Variants in DAB1 observed in about 807,000 individuals in gnomAD.
DAB1 encodes the protein DAB adaptor protein 1.
In DAB1, 15 loss-of-function variants were observed where a neutral mutation model predicts 64.6. The observed-to-expected ratio is 0.23, with a 90% CI of 0.16 to 0.36. The LOEUF (loss-of-function observed/expected upper bound fraction) is 0.36, where lower values mean the gene tolerates loss of function less well. Ranked by LOEUF, DAB1 falls within the 10% of genes least tolerant of loss-of-function variation. The probability of loss-of-function intolerance (pLI) is 1.00; values close to 1 mark genes in which losing one functional copy is unlikely to be tolerated. For synonymous variants in DAB1, 235 were observed against 251.9 expected, an observed-to-expected ratio of 0.93 and a Z score of 0.64; for missense variants, 596 against 706.7, an observed-to-expected ratio of 0.84 and a Z score of 1.78.
intron 5 of DAB1, among the ~76,000 whole-genome samples, chr1:58,132,183 G>A (rs897197806): frequency 1.3e-5 from 2 of 152,196 alleles, no homozygotes; most frequent in African/African-American, 2.4e-5. Flanking sequence ...TAAGCCCGTC[G>A]GAAAAGCGCA....
At chr1:57,479,719 T>G (rs1643986902) in intron 7 of DAB1, among the ~76,000 whole-genome samples, 1 of 152,100 alleles carries the variant, frequency 6.6e-6, no homozygotes, top group South Asian at 2.1e-4. Context: ...AGCTGGGGGC[T>G]GGCACAATGG....
At chr1:58,368,681 G>T (rs956077612) in intron 3 of DAB1, among the ~76,000 whole-genome samples, 3 of 152,144 alleles carry the variant, frequency 2.0e-5, no homozygotes, top group African/African-American at 7.2e-5. Flanking sequence ...TGTAGCATAC[G>T]GTGTCAGCAT....
intron 5 of DAB1, among the ~76,000 whole-genome samples, chr1:57,906,970 A>AGATG (rs1451204363): frequency 4.3e-4 from 65 of 152,162 alleles, no homozygotes; most frequent in African/African-American, 1.5e-3. Context: ...ATAGATAGAT[A>AGATG]GATAGATAGA....
At chr1:57,427,309 G>T (rs1297199905), upstream of DAB1, among the ~76,000 whole-genome samples, 4 of 152,194 alleles carry the variant, frequency 2.6e-5, no homozygotes, top group Non-Finnish European at 5.9e-5. Flanking sequence ...GGTAGGCATT[G>T]GGAATAATGG....
At chr1:58,384,204 T>C (rs1199375034) in intron 3 of DAB1, among the ~76,000 whole-genome samples, 1 of 152,060 alleles carries the variant, frequency 6.6e-6, no homozygotes, top group African/African-American at 2.4e-5. Context: ...TTATTCAGCC[T>C]TTAAAAAAAA....
At chr1:57,189,795 C>A (rs1663950245) in intron 2 of DAB1, among the ~76,000 whole-genome samples, 1 of 151,374 alleles carries the variant, frequency 6.6e-6, no homozygotes, top group Admixed American at 6.6e-5. Flanking sequence ...GGGTACATGG[C>A]CAGCTCTGAG....
At chr1:57,716,541 A>C (rs561997290) in intron 6 of DAB1, among the ~76,000 whole-genome samples, 1 of 152,352 alleles carries the variant, frequency 6.6e-6, no homozygotes, top group African/African-American at 2.4e-5. Flanking sequence ...CACATGCAGA[A>C]GAAAGAAAAC....
intron 2 of DAB1, chr1:58,506,238 A>G (rs781120892): frequency 1.2e-6 from 1 of 853,554 alleles, no homozygotes; most frequent in East Asian, 2.4e-5. Flanking sequence ...AAACCACACA[A>G]TGAGCTCAGT....
intron 5 of DAB1, among the ~76,000 whole-genome samples, chr1:57,966,653 A>C (rs1645673460): frequency 6.6e-6 from 1 of 152,188 alleles, no homozygotes; most frequent in African/African-American, 2.4e-5. Flanking sequence ...AGCAATATTT[A>C]ACTGAACAGA....
At chr1:57,410,341 G>A (rs1203777854) in intron 1 of DAB1, among the ~76,000 whole-genome samples, 3 of 152,172 alleles carry the variant, frequency 2.0e-5, no homozygotes, top group Non-Finnish European at 4.4e-5. Context: ...TCTTCAAAAA[G>A]CCAAGTATAA....
At chr1:58,535,354 G>A (rs1646499569) in intron 1 of DAB1, among the ~76,000 whole-genome samples, 1 of 152,096 alleles carries the variant, frequency 6.6e-6, no homozygotes, top group African/African-American at 2.4e-5. Flanking sequence ...TGTAATCCCA[G>A]CACTTTAGGA....
intron 4 of DAB1, among the ~76,000 whole-genome samples, chr1:58,324,105 C>T (rs1314305305): frequency 1.3e-5 from 2 of 152,092 alleles, no homozygotes; most frequent in Non-Finnish European, 2.9e-5. Flanking sequence ...CAGAGGTAAT[C>T]TTAATTGTCA....
At position 57,445,247 on chromosome 1, in the gene DAB1, T is replaced by C. The variant is rs1406962573; in HGVS notation, n.626-154081A>G. Among the ~76,000 whole-genome samples, 6 of 152,270 alleles carry C rather than the reference T, an allele frequency of 3.9e-5. No homozygotes were observed. The East Asian group carries it at 1.2e-3, about 29-fold the overall frequency. On this transcript the variant is annotated intron_variant and non_coding_transcript_variant, in intron 7 of 20. Transcript: ENST00000485760. ...AATAAGCATTTAAAAATGTTATGGG[T>C]ATATAATATTTTTAGAGCATACATA...
At position 58,101,665 on chromosome 1, in the gene DAB1, CAT is replaced by C. The variant is rs141682964; in HGVS notation, n.387+48844_387+48845del. Among the ~76,000 whole-genome samples the C allele has an allele frequency of 2.6e-3, 398 of 152,320 alleles. 2 individuals are homozygous for C. The highest frequency in any genetic ancestry group is 4.2e-3 in the Non-Finnish European group (285 of 68,032). On this transcript the variant is annotated intron_variant and non_coding_transcript_variant, in intron 5 of 20. Transcript: ENST00000485760. ...TAATTCCAATCTATCACTAATTTGA[CAT>C]ATGACTTAGGGCCAGTCACTTTTCT... is the stretch of plus-strand genomic sequence containing the variant.
chr1:57,141,917 T>A (rs1430663985), intron 3 of DAB1, among the ~76,000 whole-genome samples: 2 of 152,162 alleles, frequency 1.3e-5, no homozygotes, highest in African/African-American at 2.4e-5. Flanking sequence ...CAGGCCCTCT[T>A]GGTGTCTGGG....
chr1:58,445,669 C>A (rs1363386423), intron 3 of DAB1, among the ~76,000 whole-genome samples: 1 of 152,226 alleles, frequency 6.6e-6, no homozygotes, highest in Non-Finnish European at 1.5e-5. Context: ...TGAAAACCCT[C>A]TTCTGGAGAA....
chr1:57,542,909 C>T (rs183927501), intron 7 of DAB1, among the ~76,000 whole-genome samples: 2 of 152,260 alleles, frequency 1.3e-5, no homozygotes, highest in East Asian at 1.9e-4. Flanking sequence ...CTGTGTCTCT[C>T]CCACTCTCAG....
intron 6 of DAB1, among the ~76,000 whole-genome samples, chr1:57,695,295 AGAAG>A (rs71051244): frequency 0.12 from 6,575 of 55,230 alleles, 859 homozygotes; most frequent in East Asian, 0.21. Context: ...AAAGGGAGAG[AGAAG>A]GAAAGAAAGA....
At chr1:57,521,782 C>T (rs867454239) in intron 7 of DAB1, among the ~76,000 whole-genome samples, 21 of 152,086 alleles carry the variant, frequency 1.4e-4, no homozygotes, top group African/African-American at 3.4e-4. Flanking sequence ...AGAAGCTGAA[C>T]GCTGATTGCC....
Sources: allele counts gnomAD v4.1 joint callset (sites outside exome capture counted in the v4.1 genomes callset), GRCh38; gene constraint gnomAD v4.1.1; transcripts MANE v1.5; gene names NCBI Gene and HGNC (gene_info 2026-07-23, HGNC 2026-07-21).